NIM1K: variants seen among roughly 807,000 people sequenced by gnomAD.
The protein encoded by NIM1K is NIM1 serine/threonine protein kinase.
In NIM1K, 35 loss-of-function variants were observed where a neutral mutation model predicts 37.1. That is an observed-to-expected ratio of 0.94 (90% confidence interval 0.72 to 1.25). The LOEUF (loss-of-function observed/expected upper bound fraction) is 1.25, where lower values mean the gene tolerates loss of function less well. Among genes scored for constraint, NIM1K ranks in the 50% most tolerant of loss-of-function variants. NIM1K has a pLI of 0.00. For synonymous variants in NIM1K, 234 were observed against 206.6 expected, an observed-to-expected ratio of 1.13 and a Z score of -1.14; for missense variants, 564 against 548.0, an observed-to-expected ratio of 1.03 and a Z score of -0.29.
chr5:43,277,015 T>C, intron 2 of NIM1K, 42 bp from the exon 3 acceptor site: 2 of 1,600,902 alleles, frequency 1.2e-6, no homozygotes, highest in East Asian at 2.2e-5. Flanking sequence ...CTAACTATGC[T>C]CCTGTGAATT....
At position 43,226,944 on chromosome 5, in the gene NIM1K, G is replaced by A. The variant is rs73751056; in HGVS notation, c.-694-18138G>A. 2.9e-3 allele frequency among the ~76,000 whole-genome samples: 438 copies of A among 152,298 alleles called. 4 individuals are homozygous for A. Among genetic ancestry groups the A allele is most frequent in the African/African-American group, 0.01 (419 of 41,564 alleles). On this transcript the variant is annotated intron_variant, in intron 1 of 3. Coordinates refer to ENST00000326035, the MANE Select transcript of NIM1K (RefSeq NM_153361.4). ...CTAGAAGGCAGTGGGGGCAGGAGCC[G>A]TCCTCACAGTATGGGGATGACTTGG...
At chr5:43,277,579 A>G (rs1357954801) in intron 3 of NIM1K, among the ~76,000 whole-genome samples, 1 of 152,022 alleles carries the variant, frequency 6.6e-6, no homozygotes, top group Non-Finnish European at 1.5e-5. Context: ...CAGCTGATGA[A>G]TATCACCCAC....
intron 3 of NIM1K, among the ~76,000 whole-genome samples, chr5:43,277,815 T>TGAGAGA (rs34538655): frequency 2.0e-4 from 26 of 128,980 alleles, no homozygotes; most frequent in African/African-American, 6.1e-4. Flanking sequence ...TGTGTGTGTG[T>TGAGAGA]GAGAGAGAGA....
intron 2 of NIM1K, among the ~76,000 whole-genome samples, chr5:43,265,112 G>A (rs776946366): frequency 6.6e-6 from 1 of 152,128 alleles, no homozygotes; most frequent in Non-Finnish European, 1.5e-5. Context: ...TGCTCTTTTC[G>A]AGGAGTATCT....
chr5:43,249,686 G>T (rs989617354), intron 2 of NIM1K, among the ~76,000 whole-genome samples: 1 of 152,132 alleles, frequency 6.6e-6, no homozygotes, highest in African/African-American at 2.4e-5. Context: ...TACTGGGCAT[G>T]CTCCAGTCAT....
At position 43,225,260 on chromosome 5, in the gene NIM1K, C is replaced by CA. The variant is rs10555794; in HGVS notation, c.-694-19792dup. On this transcript the variant is annotated intron_variant, in intron 1 of 3. Transcript: ENST00000326035. ...GGGCAACAGAAAGAGACCCTCTTTC[C>CA]AAAAAAAAAAAAAAAAAAAAAAAAA... Among the ~76,000 whole-genome samples the CA allele has an allele frequency of 1.3e-3, 97 of 72,700 alleles. 11 individuals carry two copies. The highest frequency in any genetic ancestry group is 3.9e-3 in the African/African-American group (76 of 19,616). The allele number at this position is 72,700 out of a possible 152,430, so 47.7% of individuals were successfully genotyped here. A position where few individuals can be genotyped will look rare whatever the true frequency, so the allele number is the denominator to read the frequency against.
intron 2 of NIM1K, among the ~76,000 whole-genome samples, chr5:43,261,209 T>C (rs1196644755): frequency 6.6e-6 from 1 of 152,246 alleles, no homozygotes; most frequent in Non-Finnish European, 1.5e-5. Flanking sequence ...ATGGTTGAAC[T>C]AGTTTACAGT....
intron 2 of NIM1K, among the ~76,000 whole-genome samples, chr5:43,263,830 T>G (rs1459976521): frequency 6.6e-6 from 1 of 152,234 alleles, no homozygotes; most frequent in African/African-American, 2.4e-5. Context: ...GTCTGTGTTC[T>G]TATTGGTTTC....
chr5:43,258,225 T>C (rs192093487), intron 2 of NIM1K, among the ~76,000 whole-genome samples: 1 of 152,330 alleles, frequency 6.6e-6, no homozygotes, highest in East Asian at 1.9e-4. Flanking sequence ...CTTACTTCAA[T>C]TGTCCAATTT....
chr5:43,265,067 C>A (rs1466905166), intron 2 of NIM1K, among the ~76,000 whole-genome samples: 2 of 152,204 alleles, frequency 1.3e-5, no homozygotes, highest in African/African-American at 4.8e-5. Flanking sequence ...GCCTTCATTT[C>A]AACTTTGGTG....
Position 43,248,320 on chromosome 5 carries a change from A to G in NIM1K, c.292+2253A>G, listed in dbSNP as rs1012392957. 7.2e-5 allele frequency among the ~76,000 whole-genome samples: 11 copies of G among 152,232 alleles called. 1 individual carries two copies. Among genetic ancestry groups the G allele is most frequent in the African/African-American group, 2.7e-4 (11 of 41,458 alleles). On this transcript the variant is annotated intron_variant, in intron 2 of 3. Transcript: ENST00000326035. ...TCATAGGGGACTTTGAACGTTATCC[A>G]AGGATTTTGGATTGTTTTTCTTACA...
rs57269698 is a variant in NIM1K, at chr5:43,218,016, A to G, written c.-695+25605A>G. 4.0e-3 allele frequency among the ~76,000 whole-genome samples: 446 copies of G among 112,836 alleles called. 5 individuals are homozygous for G. Among genetic ancestry groups the G allele is most frequent in the African/African-American group, 0.015 (429 of 28,736 alleles). The allele number at this position is 112,836 out of a possible 152,430, so 74.0% of individuals were successfully genotyped here. A position where few individuals can be genotyped will look rare whatever the true frequency, so the allele number is the denominator to read the frequency against. ...CGTGAGCCTCCGTGCCCAGACCTCT[A>G]TTTTTCTTTTTTTGAGACTGAGTCT... On this transcript the variant is annotated intron_variant, in intron 1 of 3. Coordinates refer to ENST00000326035, the MANE Select transcript of NIM1K (RefSeq NM_153361.4).
chr5:43,267,097 G>A (rs1213098296), intron 2 of NIM1K, among the ~76,000 whole-genome samples: 1 of 152,024 alleles, frequency 6.6e-6, no homozygotes, highest in African/African-American at 2.4e-5. Flanking sequence ...TTTGTTGCTG[G>A]CAATTTCAAT....
chr5:43,236,071 T>C (rs1251487883), intron 1 of NIM1K, among the ~76,000 whole-genome samples: 1 of 151,994 alleles, frequency 6.6e-6, no homozygotes, highest in Non-Finnish European at 1.5e-5. Context: ...GACCGGGAGT[T>C]GCAGATCAGC....
At chr5:43,237,531 T>C (rs1375742876) in intron 1 of NIM1K, among the ~76,000 whole-genome samples, 1 of 152,204 alleles carries the variant, frequency 6.6e-6, no homozygotes, top group African/African-American at 2.4e-5. Context: ...AATTTTGTTT[T>C]TAATTAGGTA....
In NIM1K at chr5:43,280,754, AC is replaced by A; in HGVS notation, c.*27del. ...AATTGCACTAGACTGCTTGTAACTAACCAAGATGATTGTTGCTGCTTCTAAA... is the reference window on the plus strand; with the variant it reads ...AATTGCACTAGACTGCTTGTAACTAACAAGATGATTGTTGCTGCTTCTAAA... On this transcript the variant is annotated 3_prime_UTR_variant, in exon 4 of 4. Coordinates refer to ENST00000326035, the MANE Select transcript of NIM1K (RefSeq NM_153361.4). The A allele has an allele frequency of 6.6e-7, 1 of 1,526,658 alleles. No individual in the cohort carries two copies. Among genetic ancestry groups the A allele is most frequent in the African/African-American group, 1.4e-5 (1 of 71,968 alleles). 94.6% of individuals were successfully genotyped at this position (1,526,658 alleles called of 1,614,324 possible). A position where few individuals can be genotyped will look rare whatever the true frequency, so the allele number is the denominator to read the frequency against.
Position 43,280,756 on chromosome 5 carries a change from C to A in NIM1K, c.*27C>A. The stretch of plus-strand genomic sequence containing the variant: ...TTGCACTAGACTGCTTGTAACTAAC[C>A]AAGATGATTGTTGCTGCTTCTAAAT... On this transcript the variant is annotated 3_prime_UTR_variant, in exon 4 of 4. Coordinates refer to ENST00000326035, the MANE Select transcript of NIM1K (RefSeq NM_153361.4). 1 of 1,523,018 alleles carries A rather than the reference C, an allele frequency of 6.6e-7. No individual in the cohort carries two copies. Among genetic ancestry groups the A allele is most frequent in the African/African-American group, 1.4e-5 (1 of 71,882 alleles). 94.3% of individuals were successfully genotyped at this position (1,523,018 alleles called of 1,614,324 possible).
rs376509443 is a variant in NIM1K, at chr5:43,274,021, G to A, written c.293-3036G>A. Among the ~76,000 whole-genome samples, 32 of 152,240 alleles carry A rather than the reference G, an allele frequency of 2.1e-4. No homozygotes were observed. In the South Asian group the frequency reaches 6.2e-3, roughly 30 times the overall value. ...GGAATAGCAGTTTCTACCACCTAGCGACAATGTGGAATACCAGGGCTTCTA... is the reference window on the plus strand; with the variant it reads ...GGAATAGCAGTTTCTACCACCTAGCAACAATGTGGAATACCAGGGCTTCTA... On this transcript the variant is annotated intron_variant, in intron 2 of 3. Coordinates refer to ENST00000326035, the MANE Select transcript of NIM1K (RefSeq NM_153361.4).
chr5:43,241,647 T>C (rs1160966842), intron 1 of NIM1K, among the ~76,000 whole-genome samples: 15 of 152,034 alleles, frequency 9.9e-5, no homozygotes, highest in Non-Finnish European at 4.4e-5. Context: ...TGGATATTGG[T>C]ATTTTTAAAA....
Sources: gnomAD v4.1 joint callset for allele counts (sites outside exome capture counted in the v4.1 genomes callset) on GRCh38, gnomAD v4.1.1 for gene constraint, MANE v1.5 for transcripts, NCBI Gene and HGNC (gene_info 2026-07-23, HGNC 2026-07-21) for gene names.